TJP1: variants seen among roughly 807,000 people sequenced by gnomAD.
The protein encoded by TJP1 is tight junction protein ZO-1.
A neutral mutation model predicts 194.2 loss-of-function variants in TJP1; 43 were observed. The ratio of observed to expected loss-of-function variants is 0.22; its 90% CI spans 0.17 to 0.29. The LOEUF (loss-of-function observed/expected upper bound fraction) is 0.29, where lower values mean the gene tolerates loss of function less well. TJP1 is among the 10% of genes least tolerant of loss of function. The pLI, the probability that TJP1 is intolerant of heterozygous loss-of-function variation, is 1.00. For synonymous variants in TJP1, 801 were observed against 779.0 expected (o/e 1.03, Z -0.47); for missense variants, 1,971 against 2,185.7 (o/e 0.90, Z 1.96).
intron 2 of TJP1, among the ~76,000 whole-genome samples, chr15:29,954,427 GA>G (rs999114408): frequency 1.3e-5 from 2 of 152,040 alleles, no homozygotes; most frequent in African/African-American, 2.4e-5. Context: ...TTGCACAATA[GA>G]AAAAAAGCTG....
At chr15:29,789,985 G>A (rs2047965005) in intron 2 of TJP1, among the ~76,000 whole-genome samples, 1 of 152,192 alleles carries the variant, frequency 6.6e-6, no homozygotes, top group Admixed American at 6.5e-5. Context: ...AATCTCTGAT[G>A]GGCAGGGACT....
At chr15:29,878,993 C>T (rs915955157) in intron 2 of TJP1, among the ~76,000 whole-genome samples, 1 of 151,872 alleles carries the variant, frequency 6.6e-6, no homozygotes, top group African/African-American at 2.4e-5. Flanking sequence ...CGTTGTGGCA[C>T]GCGCCTGTAG....
intron 2 of TJP1, among the ~76,000 whole-genome samples, chr15:29,948,831 G>A (rs897171618): frequency 1.3e-5 from 2 of 151,924 alleles, no homozygotes; most frequent in African/African-American, 4.8e-5. Flanking sequence ...ACATTTCAAC[G>A]ACCTCAGAAC....
chr15:29,724,174 G>GT (rs140315775), intron 18 of TJP1, among the ~76,000 whole-genome samples: 4,201 of 152,286 alleles, frequency 0.028, 90 homozygotes, highest in Non-Finnish European at 0.039. Flanking sequence ...TTAAGACTCT[G>GT]ACCTTGAGCA....
chr15:29,876,980 T>C (rs1251204405), intron 2 of TJP1, among the ~76,000 whole-genome samples: 1 of 152,314 alleles, frequency 6.6e-6, no homozygotes, highest in Non-Finnish European at 1.5e-5. Context: ...GTGACTTCAG[T>C]TAATTTCAAC....
At chr15:29,936,228 A>G (rs1037286119) in intron 2 of TJP1, among the ~76,000 whole-genome samples, 1 of 152,090 alleles carries the variant, frequency 6.6e-6, no homozygotes, top group Non-Finnish European at 1.5e-5. Flanking sequence ...CTCCACAGCC[A>G]TCTAAAGATA....
chr15:29,946,273 A>C (rs1172630845), intron 2 of TJP1, among the ~76,000 whole-genome samples: 2 of 152,232 alleles, frequency 1.3e-5, no homozygotes, highest in African/African-American at 4.8e-5. Flanking sequence ...AGGAATATGA[A>C]ATCACTATTT....
intron 2 of TJP1, among the ~76,000 whole-genome samples, chr15:29,924,823 A>C (rs1340623803): frequency 6.6e-6 from 1 of 152,230 alleles, no homozygotes; most frequent in Non-Finnish European, 1.5e-5. Context: ...AGTCGGCTGC[A>C]GTTAGCTGTT....
At chr15:29,733,070 T>C (rs2043775880) in intron 13 of TJP1, 24 bp downstream of exon 13, 7 of 1,603,010 alleles carry the variant, frequency 4.4e-6, no homozygotes, top group East Asian at 2.2e-5. Flanking sequence ...ATTCACTCTA[T>C]GAGAAGTATC....
chr15:29,820,815 G>C (rs1192367574), intron 1 of TJP1: 8 of 505,494 alleles, frequency 1.6e-5, no homozygotes, highest in Non-Finnish European at 1.4e-5. Context: ...AAAGGTGCAA[G>C]TTAAATTTTT....
At chr15:29,817,647 T>C (rs2050019635) in intron 1 of TJP1, among the ~76,000 whole-genome samples, 1 of 152,178 alleles carries the variant, frequency 6.6e-6, no homozygotes. Context: ...TGGTATACTA[T>C]GCAGCCATAA....
At chr15:29,777,514 A>G (rs1246407174) in intron 2 of TJP1, among the ~76,000 whole-genome samples, 2 of 152,188 alleles carry the variant, frequency 1.3e-5, no homozygotes, top group Admixed American at 1.3e-4. Flanking sequence ...CAATGAAACA[A>G]TTTACAAAAG....
At chr15:29,730,664 T>C in intron 15 of TJP1, 2 of 718,392 alleles carry the variant, frequency 2.8e-6, no homozygotes, top group East Asian at 2.7e-5. Flanking sequence ...AAAGCCCGCG[T>C]GCCGCTGCAT....
chr15:29,881,540 A>T (rs2052930424), intron 2 of TJP1, among the ~76,000 whole-genome samples: 1 of 152,130 alleles, frequency 6.6e-6, no homozygotes, highest in Non-Finnish European at 1.5e-5. Context: ...ACCTTGATAG[A>T]TACTTTATTC....
chr15:29,724,530 G>A (rs1296251181), intron 18 of TJP1, among the ~76,000 whole-genome samples: 8 of 152,302 alleles, frequency 5.3e-5, no homozygotes, highest in Admixed American at 1.3e-4. Context: ...AAGCAAGAAC[G>A]ATGGGTTGCT....
chr15:29,865,240 C>A (rs1041369351), intron 2 of TJP1, among the ~76,000 whole-genome samples: 1 of 152,120 alleles, frequency 6.6e-6, no homozygotes, highest in Non-Finnish European at 1.5e-5. Context: ...CAACAGTTAC[C>A]GACAGTAGCA....
intron 1 of TJP1, among the ~76,000 whole-genome samples, chr15:29,811,377 G>A (rs1406304878): frequency 1.5e-5 from 2 of 131,692 alleles, no homozygotes; most frequent in South Asian, 2.6e-4. Flanking sequence ...GAAGAGGGGG[G>A]TATGATACTT....
intron 1 of TJP1, among the ~76,000 whole-genome samples, chr15:29,965,398 G>A (rs1276058514): frequency 6.6e-6 from 1 of 152,052 alleles, no homozygotes; most frequent in Non-Finnish European, 1.5e-5. Context: ...TTTTAGTAGA[G>A]ACAGGGTTTC....
At chr15:29,881,238 T>C (rs1217745691) in intron 2 of TJP1, among the ~76,000 whole-genome samples, 1 of 152,250 alleles carries the variant, frequency 6.6e-6, no homozygotes, top group Admixed American at 6.5e-5. Flanking sequence ...CATTTTTGTA[T>C]GTCTCCTTTG....
Sources: allele counts gnomAD v4.1 joint callset (sites outside exome capture counted in the v4.1 genomes callset), GRCh38; gene constraint gnomAD v4.1.1; transcripts MANE v1.5; gene names NCBI Gene and HGNC (gene_info 2026-07-23, HGNC 2026-07-21).